RANBP17: variants seen among roughly 807,000 people sequenced by gnomAD.
RANBP17 encodes ran-binding protein 17.
A neutral mutation model predicts 141.2 loss-of-function variants in RANBP17; 158 were observed. The ratio of observed to expected loss-of-function variants is 1.12; its 90% CI spans 0.98 to 1.28. The LOEUF is 1.28. Among genes scored for constraint, RANBP17 ranks in the 50% most tolerant of loss-of-function variants. The pLI is 0.00. For missense variants in RANBP17, 1,438 were observed against 1,290.7 expected (o/e 1.11, Z -1.75); for synonymous variants, 430 against 450.0 (o/e 0.96, Z 0.56).
At chr5:170,897,128 G>C (rs1770198610) in intron 5 of RANBP17, 2 of 826,620 alleles carry the variant, frequency 2.4e-6, no homozygotes, top group Non-Finnish European at 4.1e-6. Context: ...AATTCTGCAG[G>C]GACCACTGAG....
intron 16 of RANBP17, among the ~76,000 whole-genome samples, chr5:171,178,361 T>C (rs1404113184): frequency 6.6e-6 from 1 of 152,160 alleles, no homozygotes; most frequent in African/African-American, 2.4e-5. Context: ...TCATCCTTTT[T>C]TATGGCTGCA....
chr5:171,205,553 T>C lies in RANBP17; in HGVS notation c.2172T>C (p.Leu724=). The stretch of plus-strand genomic sequence containing the variant: ...TGTTGATCGGGCTGGCAAGAGATCT[T>C]CGAGGGATTGCCTTTGCACTGAACA... ...KRMLIGLARD[L]RGIAFALNTK... The change falls in exon 20 of 28, where the codon CTT becomes CTC. Residue 724 remains leucine (L), a synonymous_variant. Coordinates refer to ENST00000523189, the MANE Select transcript of RANBP17 (RefSeq NM_022897.5). 6.2e-7 allele frequency: 1 copy of C among 1,614,060 alleles called. No homozygotes were observed.
intron 13 of RANBP17, among the ~76,000 whole-genome samples, chr5:170,964,922 A>T (rs1352359338): frequency 6.6e-6 from 1 of 152,142 alleles, no homozygotes; most frequent in Non-Finnish European, 1.5e-5. Context: ...CAGTAATGGG[A>T]TGGCTGGGTC....
intron 12 of RANBP17, among the ~76,000 whole-genome samples, chr5:170,946,926 G>A (rs184693577): frequency 3.3e-5 from 5 of 152,276 alleles, no homozygotes; most frequent in Admixed American, 3.3e-4. Context: ...AAACAAGAAG[G>A]TAGAGTTTCA....
chr5:171,087,467 A>G (rs1438459613), intron 14 of RANBP17, among the ~76,000 whole-genome samples: 4 of 152,188 alleles, frequency 2.6e-5, no homozygotes, highest in South Asian at 2.1e-4. Context: ...AGTAGTGTAG[A>G]TGTCTATTAG....
chr5:171,136,662 A>C (rs950057130), intron 14 of RANBP17, among the ~76,000 whole-genome samples: 1 of 152,134 alleles, frequency 6.6e-6, no homozygotes, highest in African/African-American at 2.4e-5. Context: ...TTCTAATTAT[A>C]GTCTTATGAA....
At chr5:171,004,384 G>A (rs1193215786) in intron 14 of RANBP17, among the ~76,000 whole-genome samples, 6 of 152,138 alleles carry the variant, frequency 3.9e-5, no homozygotes, top group African/African-American at 7.2e-5. Flanking sequence ...AACTGGGCAG[G>A]TGGGGATAAA....
chr5:170,954,897 C>A, intron 13 of RANBP17, among the ~76,000 whole-genome samples: 1 of 152,122 alleles, frequency 6.6e-6, no homozygotes. Flanking sequence ...TGGTCCACAG[C>A]CTGTTAGGAA....
Position 171,241,001 on chromosome 5 carries a change from C to T in RANBP17, c.2496C>T (p.Ile832=). 1 of 1,613,958 alleles carries T rather than the reference C, an allele frequency of 6.2e-7. No homozygotes were observed. The highest frequency in any genetic ancestry group is 1.1e-5 in the South Asian group (1 of 91,064). ...IYPMKLKGIS[I]CYSALKSALC... ...CAATGAAACTCAAGGGCATCTCCAT[C>T]TGCTATTCAGCTCTCAAGTCTGCCT... The change falls in exon 23 of 28, where the codon ATC becomes ATT. Residue 832 remains isoleucine (I), a synonymous_variant. Coordinates refer to ENST00000523189, the MANE Select transcript of RANBP17 (RefSeq NM_022897.5).
At chr5:171,287,612 C>A (rs1768249113) in intron 25 of RANBP17, among the ~76,000 whole-genome samples, 1 of 152,058 alleles carries the variant, frequency 6.6e-6, no homozygotes, top group African/African-American at 2.4e-5. Context: ...TCCCCACCCC[C>A]TATCCAGGTC....
chr5:171,292,548 C>G (rs867068184), intron 25 of RANBP17, among the ~76,000 whole-genome samples: 1 of 152,290 alleles, frequency 6.6e-6, no homozygotes, highest in Middle Eastern at 3.4e-3. Context: ...GTGTTCCAAA[C>G]AAGCCAGGCC....
intron 22 of RANBP17, among the ~76,000 whole-genome samples, chr5:171,230,804 A>G (rs1764161637): frequency 6.6e-6 from 1 of 152,090 alleles, no homozygotes; most frequent in East Asian, 1.9e-4. Flanking sequence ...AAAGATATAC[A>G]TTCTTTAAGG....
At chr5:171,250,799 C>A (rs1398853759) in intron 24 of RANBP17, among the ~76,000 whole-genome samples, 2 of 152,152 alleles carry the variant, frequency 1.3e-5, no homozygotes, top group African/African-American at 4.8e-5. Flanking sequence ...TATAGCAGTT[C>A]TAAATATGTA....
At chr5:171,054,015 A>T (rs1421385967) in intron 14 of RANBP17, among the ~76,000 whole-genome samples, 2 of 150,414 alleles carry the variant, frequency 1.3e-5, no homozygotes, top group Non-Finnish European at 3.0e-5. Context: ...TTGTCTCATG[A>T]TAATTCTCTA....
chr5:170,963,935 A>G (rs147702887), intron 13 of RANBP17, among the ~76,000 whole-genome samples: 13 of 152,124 alleles, frequency 8.5e-5, no homozygotes, highest in Non-Finnish European at 1.3e-4. Context: ...AGCCAAATAG[A>G]AAAAAAATCA....
intron 14 of RANBP17, among the ~76,000 whole-genome samples, chr5:171,131,106 T>C (rs1297278248): frequency 6.6e-6 from 1 of 152,198 alleles, no homozygotes; most frequent in Non-Finnish European, 1.5e-5. Flanking sequence ...TTTTTCAAAC[T>C]CAGATCCTCA....
intron 12 of RANBP17, among the ~76,000 whole-genome samples, chr5:170,937,334 C>G (rs1227396711): frequency 1.3e-5 from 2 of 152,006 alleles, no homozygotes; most frequent in Non-Finnish European, 1.5e-5. Flanking sequence ...ATTTTTTTTA[C>G]CCAGTTTGTA....
intron 14 of RANBP17, among the ~76,000 whole-genome samples, chr5:171,137,603 T>C (rs1433433708): frequency 7.0e-6 from 1 of 143,652 alleles, no homozygotes; most frequent in African/African-American, 2.8e-5. Flanking sequence ...TGTGTGTGTG[T>C]GTCTGTGTGT....
rs117103461 is a variant in RANBP17 at position 170,900,623 on chromosome 5, C to T, written c.489+4508C>T. Among the ~76,000 whole-genome samples, 197 of 152,240 alleles carry T rather than the reference C, an allele frequency of 1.3e-3. 3 individuals are homozygous for T. In the East Asian group the frequency reaches 0.036, roughly 27 times the overall value. ...TGATGCTAGGGTGTCGATTTGAGGT[C>T]TTTCCAGCTTTCTGGTTGTGGGCAT... On this transcript the variant is annotated intron_variant, in intron 5 of 27. Coordinates refer to ENST00000523189, the MANE Select transcript of RANBP17 (RefSeq NM_022897.5).
Sources: allele counts gnomAD v4.1 joint callset (sites outside exome capture counted in the v4.1 genomes callset), GRCh38; gene constraint gnomAD v4.1.1; transcripts MANE v1.5; gene names NCBI Gene and HGNC (gene_info 2026-07-23, HGNC 2026-07-21).